The following CELF2 variants were observed in gnomAD, a reference collection of about 807,000 sequenced individuals.
CELF2 encodes CUG triplet repeat RNA-binding protein 2.
A neutral mutation model predicts 62.6 loss-of-function variants in CELF2; 8 were observed. That is an observed-to-expected ratio of 0.13 (90% CI 0.07 to 0.23). The LOEUF (loss-of-function observed/expected upper bound fraction) is 0.23, where lower values mean the gene tolerates loss of function less well. CELF2 is among the 10% of genes least tolerant of loss of function. The pLI is 1.00. For missense variants in CELF2, 333 were observed against 671.0 expected, an observed-to-expected ratio of 0.50 and a Z score of 5.56; for synonymous variants, 258 against 250.0, an observed-to-expected ratio of 1.03 and a Z score of -0.30.
chr10:11,181,342 C>A (rs1290408576), intron 2 of CELF2, among the ~76,000 whole-genome samples: 1 of 152,194 alleles, frequency 6.6e-6, no homozygotes, highest in East Asian at 1.9e-4. Context: ...ATACTCCTCT[C>A]GACTGTCAGT....
chr10:11,289,008 C>T (rs183773540), intron 9 of CELF2, among the ~76,000 whole-genome samples: 6 of 152,292 alleles, frequency 3.9e-5, no homozygotes, highest in Admixed American at 3.3e-4. Flanking sequence ...ATCCACGGTC[C>T]AGTAAGGAAC....
the CELF2 span, among the ~76,000 whole-genome samples, chr10:10,755,512 C>G: frequency 1.3e-5 from 2 of 152,200 alleles, no homozygotes; most frequent in East Asian, 3.8e-4. Context: ...TGGCTCTGCT[C>G]TCCTGCGTCT....
At chr10:10,885,260 G>A (rs1406741190) in intron 1 of CELF2, among the ~76,000 whole-genome samples, 1 of 151,630 alleles carries the variant, frequency 6.6e-6, no homozygotes, top group African/African-American at 2.4e-5. Flanking sequence ...AAACAAAAAA[G>A]ATAAAATGAT....
At chr10:10,780,715 G>A in the CELF2 span, among the ~76,000 whole-genome samples, 1 of 152,176 alleles carries the variant, frequency 6.6e-6, no homozygotes, top group Non-Finnish European at 1.5e-5. Flanking sequence ...TCTTGACCTT[G>A]CCATCCACCT....
chr10:11,020,617 A>G (rs948918601), intron 1 of CELF2, among the ~76,000 whole-genome samples: 5 of 152,344 alleles, frequency 3.3e-5, no homozygotes, highest in Middle Eastern at 3.4e-3. Flanking sequence ...CCTAAAAGGA[A>G]CTTAAATAAA....
chr10:11,058,062 C>A (rs2065742400), intron 1 of CELF2, among the ~76,000 whole-genome samples: 1 of 140,242 alleles, frequency 7.1e-6, no homozygotes, highest in African/African-American at 2.7e-5. Flanking sequence ...AATAGATTAT[C>A]TGAAGAGGAA....
Position 11,328,039 on chromosome 10 carries a change from A to T in CELF2, c.1439-887A>T, listed in dbSNP as rs1366247294. ...CAGTGCTGGAACAGACTCTGGGACC[A>T]AGATCCTCTTGTCACTGGGTCTTTG... On this transcript the variant is annotated intron_variant, in intron 12 of 12. Coordinates refer to ENST00000633077, the MANE Select transcript of CELF2 (RefSeq NM_001326342.2). This position sits in a 1 kb window ranked among gnomAD's most constrained non-coding sequence, Gnocchi z 6.4. Among the ~76,000 whole-genome samples, 1 of 152,168 alleles carries T rather than the reference A, an allele frequency of 6.6e-6. No individual in the cohort carries two copies. Among genetic ancestry groups the T allele is most frequent in the East Asian group, 1.9e-4 (1 of 5,194 alleles).
chr10:10,816,836 A>G (rs1467845995), intron 1 of CELF2, among the ~76,000 whole-genome samples: 2 of 152,270 alleles, frequency 1.3e-5, no homozygotes, highest in Non-Finnish European at 2.9e-5. Flanking sequence ...TTAAAAAGAC[A>G]GCTTGTAGCC....
At chr10:10,959,506 T>A (rs184421208) in intron 2 of CELF2, among the ~76,000 whole-genome samples, 18 of 149,948 alleles carry the variant, frequency 1.2e-4, no homozygotes, top group Admixed American at 6.6e-4. Context: ...TTTCAAAAAA[T>A]TTTTTCCATG....
At chr10:10,554,328 CAG>C in the CELF2 span, among the ~76,000 whole-genome samples, 1 of 152,154 alleles carries the variant, frequency 6.6e-6, no homozygotes, top group Non-Finnish European at 1.5e-5. Context: ...CCTGTATCAG[CAG>C]AGAGCATGCG....
rs1052449780 is a variant in CELF2, at chr10:11,285,444, A to G, written c.842-2974A>G. Among the ~76,000 whole-genome samples, 7 of 152,130 alleles carry G rather than the reference A, an allele frequency of 4.6e-5. No homozygotes were observed. The highest frequency in any genetic ancestry group is 1.7e-4 in the African/African-American group (7 of 41,404). On this transcript the variant is annotated intron_variant, in intron 8 of 12. Coordinates refer to ENST00000633077, the MANE Select transcript of CELF2 (RefSeq NM_001326342.2). The surrounding 1 kb of genome is among the most constrained non-coding windows in gnomAD (Gnocchi z 4.3). ...TTAGGAGAATGTCAGAAACTGTTGGATGGTAAAGTGTGTGGAGGAGAAATG... is the reference window on the plus strand; with the variant it reads ...TTAGGAGAATGTCAGAAACTGTTGGGTGGTAAAGTGTGTGGAGGAGAAATG...
At chr10:10,652,960 C>T in the CELF2 span, among the ~76,000 whole-genome samples, 490 of 151,896 alleles carry the variant, frequency 3.2e-3, 11 homozygotes, top group East Asian at 0.056. Context: ...GTGTGCTGTA[C>T]TCAGGAAACC....
intron 4 of CELF2, among the ~76,000 whole-genome samples, chr10:11,254,677 C>T (rs191901661): frequency 1.3e-5 from 2 of 152,150 alleles, no homozygotes; most frequent in African/African-American, 4.8e-5. Flanking sequence ...ATAGGTTTAG[C>T]AGTGAAACCA....
chr10:10,536,830 G>A, the CELF2 span, among the ~76,000 whole-genome samples: 3 of 152,172 alleles, frequency 2.0e-5, no homozygotes, highest in Non-Finnish European at 4.4e-5. Context: ...GAAGCAGCTC[G>A]GGCTGGAGGA....
chr10:10,638,727 G>C, the CELF2 span, among the ~76,000 whole-genome samples: 4 of 152,152 alleles, frequency 2.6e-5, no homozygotes, highest in Non-Finnish European at 5.9e-5. Context: ...CTGACTCAGG[G>C]CAAGGCAATA....
chr10:10,467,530 T>G, the CELF2 span, among the ~76,000 whole-genome samples: 1 of 152,040 alleles, frequency 6.6e-6, no homozygotes, highest in South Asian at 2.1e-4. Flanking sequence ...CTTTCTCTTT[T>G]TAAAAATTGC....
chr10:10,588,707 G>A, the CELF2 span, among the ~76,000 whole-genome samples: 1 of 152,190 alleles, frequency 6.6e-6, no homozygotes, highest in Admixed American at 6.5e-5. Context: ...ACCAAAATAG[G>A]TCAAGGGGTA....
At chr10:10,465,560 G>A in the CELF2 span, among the ~76,000 whole-genome samples, 1 of 152,026 alleles carries the variant, frequency 6.6e-6, no homozygotes, top group Non-Finnish European at 1.5e-5. Context: ...TGTAATTTTT[G>A]TGTGTTTTTA....
At chr10:10,925,860 C>A (rs1259084847) in intron 2 of CELF2, among the ~76,000 whole-genome samples, 1 of 152,098 alleles carries the variant, frequency 6.6e-6, no homozygotes, top group Non-Finnish European at 1.5e-5. Flanking sequence ...CTACTCCCAG[C>A]GCCCAACCAT....
Sources: gnomAD v4.1 joint callset for allele counts (sites outside exome capture counted in the v4.1 genomes callset) on GRCh38, gnomAD v4.1.1 for gene constraint, Gnocchi (gnomAD v3.1) non-coding constraint, MANE v1.5 for transcripts, NCBI Gene and HGNC (gene_info 2026-07-23, HGNC 2026-07-21) for gene names.